CDKAL1: variants seen among roughly 807,000 people sequenced by gnomAD.
CDKAL1 encodes the protein CDKAL1 threonylcarbamoyladenosine tRNA methylthiotransferase, also known as threonylcarbamoyladenosine tRNA methylthiotransferase.
A neutral mutation model predicts 68.2 loss-of-function variants in CDKAL1; 32 were observed. That is an observed-to-expected ratio of 0.47 (90% CI 0.35 to 0.63). The LOEUF (loss-of-function observed/expected upper bound fraction) is 0.63. Among genes scored for constraint, CDKAL1 ranks in the 30% least tolerant of loss-of-function variants. The pLI is 0.00. For missense variants in CDKAL1, 606 were observed against 696.7 expected (o/e 0.87, Z 1.47); for synonymous variants, 234 against 244.3 (o/e 0.96, Z 0.39).
At chr6:20,682,232 TATCTG>T (rs112968730) in intron 5 of CDKAL1, among the ~76,000 whole-genome samples, 9,362 of 152,216 alleles carry the variant, frequency 0.062, 925 homozygotes, top group African/African-American at 0.21. Flanking sequence ...AGTCTGTACT[TATCTG>T]ATCTGCCGTT....
At chr6:21,188,257 C>T (rs1778094043) in intron 13 of CDKAL1, among the ~76,000 whole-genome samples, 2 of 152,120 alleles carry the variant, frequency 1.3e-5, no homozygotes, top group South Asian at 4.1e-4. Context: ...TTTATGGCAA[C>T]ATAGCATTAT....
intron 4 of CDKAL1, among the ~76,000 whole-genome samples, chr6:20,582,956 A>C (rs1263449384): frequency 6.6e-6 from 1 of 152,164 alleles, no homozygotes; most frequent in Non-Finnish European, 1.5e-5. Flanking sequence ...ATACTCTGTT[A>C]TTCAAAGTAG....
intron 11 of CDKAL1, among the ~76,000 whole-genome samples, chr6:21,058,945 G>A (rs1421851705): frequency 6.6e-6 from 1 of 152,220 alleles, no homozygotes; most frequent in Non-Finnish European, 1.5e-5. Flanking sequence ...GGTGGAGCGG[G>A]TTTGCTGCAC....
chr6:21,136,323 C>T (rs922420455), intron 13 of CDKAL1, among the ~76,000 whole-genome samples: 2 of 152,186 alleles, frequency 1.3e-5, no homozygotes, highest in African/African-American at 4.8e-5. Flanking sequence ...GTTGAAAATA[C>T]AAACAGTAAG....
intron 4 of CDKAL1, among the ~76,000 whole-genome samples, chr6:20,648,104 T>C (rs376482458): frequency 1.3e-5 from 2 of 148,912 alleles, no homozygotes; most frequent in Non-Finnish European, 3.0e-5. Context: ...TTTTTTGCCA[T>C]GTTTATAATA....
Position 20,943,732 on chromosome 6 carries a change from C to A in CDKAL1, c.743-11687C>A, listed in dbSNP as rs75644545. 2.4e-3 allele frequency among the ~76,000 whole-genome samples: 366 copies of A among 151,868 alleles called. 1 individual carries two copies. Among genetic ancestry groups the A allele is most frequent in the Non-Finnish European group, 4.2e-3 (284 of 67,968 alleles). On this transcript the variant is annotated intron_variant, in intron 9 of 15. Transcript: ENST00000274695. The stretch of plus-strand genomic sequence containing the variant: ...ATAGCTGGTTTTATGTCCTCGCCTG[C>A]TAATTCCATCATGTTTGTCATTTCT...
At chr6:20,738,411 C>T (rs1773292507) in intron 5 of CDKAL1, among the ~76,000 whole-genome samples, 1 of 151,822 alleles carries the variant, frequency 6.6e-6, no homozygotes, top group South Asian at 2.1e-4. Context: ...ATATTGCTAG[C>T]ACCCTCTTGA....
At chr6:20,847,150 A>G (rs1282063319) in intron 9 of CDKAL1, among the ~76,000 whole-genome samples, 4 of 152,166 alleles carry the variant, frequency 2.6e-5, no homozygotes, top group Non-Finnish European at 5.9e-5. Context: ...GCCTCCCAAC[A>G]GTTTTTCTCT....
At chr6:21,032,845 G>A (rs1362956108) in intron 11 of CDKAL1, among the ~76,000 whole-genome samples, 6 of 152,152 alleles carry the variant, frequency 3.9e-5, no homozygotes, top group East Asian at 1.9e-4. Context: ...TCTCAGAAAC[G>A]TAGCCCCATT....
chr6:20,981,187 A>G (rs1241903698), intron 10 of CDKAL1, among the ~76,000 whole-genome samples: 1 of 152,196 alleles, frequency 6.6e-6, no homozygotes, highest in Non-Finnish European at 1.5e-5. Context: ...ATTATGAGAA[A>G]TCAAGTTTAT....
intron 7 of CDKAL1, among the ~76,000 whole-genome samples, chr6:20,772,092 T>C (rs1396700499): frequency 6.6e-6 from 1 of 152,256 alleles, no homozygotes; most frequent in Admixed American, 6.5e-5. Flanking sequence ...GCTTGAGTGC[T>C]GTCTTTTGTA....
intron 9 of CDKAL1, among the ~76,000 whole-genome samples, chr6:20,849,319 C>T (rs1339698195): frequency 1.3e-5 from 2 of 151,964 alleles, no homozygotes; most frequent in Non-Finnish European, 2.9e-5. Flanking sequence ...TGCCGTGGCT[C>T]ACGCCTGTAA....
At chr6:20,897,379 A>G (rs1459476412) in intron 9 of CDKAL1, among the ~76,000 whole-genome samples, 1 of 152,118 alleles carries the variant, frequency 6.6e-6, no homozygotes. Flanking sequence ...GCTCAGATGA[A>G]GAAGTGATTA....
chr6:20,841,145 A>G lies in CDKAL1; in HGVS notation c.639-4930A>G, dbSNP rs182217991. 3.5e-3 allele frequency among the ~76,000 whole-genome samples: 526 copies of G among 152,282 alleles called. 4 individuals carry two copies. The highest frequency in any genetic ancestry group is 4.0e-3 in the Non-Finnish European group (275 of 68,010). ...CCACCATGCCTGGCCATTTTGTAACATTTGAAGCTTTGAGAAAGATCATAC... is the reference window on the plus strand; with the variant it reads ...CCACCATGCCTGGCCATTTTGTAACGTTTGAAGCTTTGAGAAAGATCATAC... On this transcript the variant is annotated intron_variant, in intron 8 of 15. Coordinates refer to ENST00000274695, the MANE Select transcript of CDKAL1 (RefSeq NM_017774.3).
intron 6 of CDKAL1, among the ~76,000 whole-genome samples, chr6:20,757,463 T>C (rs886138566): frequency 3.3e-5 from 5 of 152,290 alleles, no homozygotes; most frequent in South Asian, 4.1e-4. Flanking sequence ...TTTATACATA[T>C]GTATAACCCC....
intron 9 of CDKAL1, among the ~76,000 whole-genome samples, chr6:20,865,384 T>C (rs997018263): frequency 1.1e-4 from 17 of 152,194 alleles, no homozygotes; most frequent in African/African-American, 3.9e-4. Flanking sequence ...TGCTCTTGAA[T>C]GGTGGCCCTG....
chr6:21,146,850 CA>C (rs1194653980), intron 13 of CDKAL1, among the ~76,000 whole-genome samples: 14,991 of 78,102 alleles, frequency 0.19, 470 homozygotes, highest in Middle Eastern at 0.25. Flanking sequence ...GACTCCGTCT[CA>C]AAAAAAAAAA....
At chr6:21,128,309 G>A (rs990348736) in intron 13 of CDKAL1, among the ~76,000 whole-genome samples, 4 of 152,166 alleles carry the variant, frequency 2.6e-5, no homozygotes, top group Admixed American at 6.5e-5. Context: ...GCTAGGCTAC[G>A]ATGTTCAGTA....
At chr6:20,779,097 T>C (rs1377811952) in intron 7 of CDKAL1, among the ~76,000 whole-genome samples, 2 of 152,184 alleles carry the variant, frequency 1.3e-5, no homozygotes, top group Non-Finnish European at 2.9e-5. Flanking sequence ...CATATACCAC[T>C]ACACACCCAT....
Sources: gnomAD v4.1 joint callset for allele counts (sites outside exome capture counted in the v4.1 genomes callset) on GRCh38, gnomAD v4.1.1 for gene constraint, MANE v1.5 for transcripts, NCBI Gene and HGNC (gene_info 2026-07-23, HGNC 2026-07-21) for gene names.